CACNA1C: variants seen among roughly 807,000 people sequenced by gnomAD.
CACNA1C encodes calcium voltage-gated channel subunit alpha1 C, also known as voltage-dependent L-type calcium channel subunit alpha-1C.
A neutral mutation model predicts 229.0 loss-of-function variants in CACNA1C; 30 were observed. The ratio of observed to expected loss-of-function variants is 0.13; its 90% CI spans 0.10 to 0.18. The LOEUF is 0.18. Among genes scored for constraint, CACNA1C ranks in the 10% least tolerant of loss-of-function variants. The pLI is 1.00. For missense variants in CACNA1C, 1,658 were observed against 2,845.0 expected, an observed-to-expected ratio of 0.58 and a Z score of 9.49; for synonymous variants, 1,114 against 1,132.5, an observed-to-expected ratio of 0.98 and a Z score of 0.33.
Position 2,585,408 on chromosome 12 carries a change from T to C in CACNA1C, c.2372T>C (p.Val791Ala), listed in dbSNP as rs1450770056. ...TASPEKKQEL[V>A]EKPAVGESKE... ...AGCCCAGAGAAGAAACAAGAGTTGG[T>C]GGAGAAGCCGGCAGTGGGGGAATCC... Residue 791 changes from valine (V) to alanine (A), a missense_variant, in exon 17 of 47, where the codon GTG (valine) becomes GCG (alanine). Physicochemically the swap from Val to Ala is moderately conservative, Grantham distance 64 (BLOSUM62 0). Coordinates refer to ENST00000399655, the MANE Select transcript of CACNA1C (RefSeq NM_000719.7). This position sits in a 1 kb window ranked among gnomAD's most constrained non-coding sequence, Gnocchi z 4.1. 2 of 1,611,988 alleles carry C rather than the reference T, an allele frequency of 1.2e-6. No individual in the cohort carries two copies. Among genetic ancestry groups the C allele is most frequent in the Non-Finnish European group, 1.7e-6 (2 of 1,179,062 alleles).
At chr12:2,212,013 G>A (rs1049343430) in intron 3 of CACNA1C, among the ~76,000 whole-genome samples, 16 of 152,084 alleles carry the variant, frequency 1.1e-4, no homozygotes, top group African/African-American at 3.1e-4. Context: ...GAGCCACCGC[G>A]CCCGGCCTCT....
chr12:2,062,994 G>T (rs769478375), intron 1 of CACNA1C, among the ~76,000 whole-genome samples: 1 of 152,046 alleles, frequency 6.6e-6, no homozygotes, highest in Non-Finnish European at 1.5e-5. Context: ...GTATGATTCA[G>T]TGGTCTACCT....
intron 3 of CACNA1C, among the ~76,000 whole-genome samples, chr12:2,302,418 G>C (rs1240792493): frequency 2.6e-5 from 4 of 151,930 alleles, no homozygotes; most frequent in Non-Finnish European, 4.4e-5. Context: ...AAGGAGGCAG[G>C]AGGCAGCCGT....
chr12:2,120,980 G>A (rs2154148088), intron 3 of CACNA1C, among the ~76,000 whole-genome samples: 1 of 152,300 alleles, frequency 6.6e-6, no homozygotes, highest in Non-Finnish European at 1.5e-5. Flanking sequence ...TGAGGGGCCA[G>A]CTCTGGCAAT....
chr12:2,655,266 GATAC>G, intron 34 of CACNA1C, 28 bp downstream of exon 34: 1 of 1,349,956 alleles, frequency 7.4e-7, no homozygotes, highest in Non-Finnish European at 1.1e-6. Flanking sequence ...TAGGTGCACA[GATAC>G]ACACACACCT....
intron 3 of CACNA1C, among the ~76,000 whole-genome samples, chr12:2,444,854 C>T (rs541919946): frequency 3.3e-5 from 5 of 152,300 alleles, no homozygotes; most frequent in African/African-American, 1.2e-4. Flanking sequence ...TACTTTGGCT[C>T]CCGCCTCCAT....
chr12:2,299,384 A>T (rs905205884), intron 3 of CACNA1C, among the ~76,000 whole-genome samples: 1 of 152,130 alleles, frequency 6.6e-6, no homozygotes, highest in Non-Finnish European at 1.5e-5. Flanking sequence ...GGAGGCAGGT[A>T]GGAGGGAGGG....
chr12:2,268,067 GGCCTCCACTTACACTGA>G (rs1226669053), intron 3 of CACNA1C, among the ~76,000 whole-genome samples: 5 of 152,136 alleles, frequency 3.3e-5, no homozygotes, highest in Admixed American at 3.3e-4. Context: ...AACCATATGG[GGCCTCCACTTACACTGA>G]GCAGCCTGTG....
At chr12:1,995,527 A>G (rs1236904030) in intron 1 of CACNA1C, among the ~76,000 whole-genome samples, 1 of 152,256 alleles carries the variant, frequency 6.6e-6, no homozygotes, top group Non-Finnish European at 1.5e-5. Flanking sequence ...GAGACTGTGA[A>G]GAACCTGACC....
chr12:2,577,640 GA>G (rs2058911528), intron 13 of CACNA1C, among the ~76,000 whole-genome samples: 2 of 152,200 alleles, frequency 1.3e-5, no homozygotes, highest in South Asian at 4.1e-4. Flanking sequence ...CACATGCACA[GA>G]AGCACCCATG....
chr12:2,197,245 GC>G (rs955604197), intron 3 of CACNA1C, among the ~76,000 whole-genome samples: 1 of 152,180 alleles, frequency 6.6e-6, no homozygotes, highest in African/African-American at 2.4e-5. Flanking sequence ...TCTCTCTGCT[GC>G]TTTTCCCTGT....
intron 32 of CACNA1C, among the ~76,000 whole-genome samples, chr12:2,652,309 G>A (rs2095074534): frequency 6.6e-6 from 1 of 152,162 alleles, no homozygotes; most frequent in East Asian, 1.9e-4. Context: ...AGGACTGCCT[G>A]GCCATGTGAT....
intron 9 of CACNA1C, among the ~76,000 whole-genome samples, chr12:2,540,757 G>A (rs984468551): frequency 7.9e-5 from 12 of 152,216 alleles, no homozygotes; most frequent in African/African-American, 2.4e-4. Flanking sequence ...GAGCCAGCAC[G>A]TTGAAGGATG....
intron 1 of CACNA1C, among the ~76,000 whole-genome samples, chr12:2,075,956 A>C (rs750797180): frequency 1.3e-5 from 2 of 152,196 alleles, no homozygotes; most frequent in African/African-American, 4.8e-5. Flanking sequence ...GCATGCTCAG[A>C]GATAAAAGTC....
At chr12:2,245,384 G>A (rs1335357378) in intron 3 of CACNA1C, among the ~76,000 whole-genome samples, 1 of 152,134 alleles carries the variant, frequency 6.6e-6, no homozygotes, top group Admixed American at 6.5e-5. Flanking sequence ...CAGTAAAGGG[G>A]AGAAGCAAAC....
intron 3 of CACNA1C, among the ~76,000 whole-genome samples, chr12:2,342,256 G>C (rs967716633): frequency 6.6e-6 from 1 of 152,108 alleles, no homozygotes; most frequent in African/African-American, 2.4e-5. Flanking sequence ...GCATCGTTCT[G>C]TTTGTTTCTA....
intron 7 of CACNA1C, among the ~76,000 whole-genome samples, chr12:2,500,535 G>A (rs72653433): frequency 0.017 from 2,631 of 152,204 alleles, 117 homozygotes; most frequent in East Asian, 0.16. Flanking sequence ...ACTCCCACTC[G>A]CCATCTGCCC....
At chr12:2,616,967 C>T (rs1253074381) in intron 29 of CACNA1C, among the ~76,000 whole-genome samples, 6 of 152,262 alleles carry the variant, frequency 3.9e-5, no homozygotes, top group African/African-American at 1.2e-4. Context: ...ACACAAAGGA[C>T]GTGGCTGGCA....
In CACNA1C at chr12:2,632,566, G is replaced by C. The variant is rs991935892; in HGVS notation, c.3829-1731G>C. Among the ~76,000 whole-genome samples, 2 of 152,094 alleles carry C rather than the reference G, an allele frequency of 1.3e-5. No homozygotes were observed. Among genetic ancestry groups the C allele is most frequent in the African/African-American group, 2.4e-5 (1 of 41,402 alleles). ...TTCGTCCCTTCTCTTCTCCAAACAT[G>C]GTGAAAAATAAACAAAATCCATAGC... is the stretch of plus-strand genomic sequence containing the variant. On this transcript the variant is annotated intron_variant, in intron 29 of 46. Transcript: ENST00000399655. The surrounding 1 kb of genome is among the most constrained non-coding windows in gnomAD (Gnocchi z 4.1).
Sources: allele counts gnomAD v4.1 joint callset (sites outside exome capture counted in the v4.1 genomes callset), GRCh38; gene constraint gnomAD v4.1.1; non-coding constraint Gnocchi (gnomAD v3.1); transcripts MANE v1.5; gene names NCBI Gene and HGNC (gene_info 2026-07-23, HGNC 2026-07-21).